The following DNAJB6 variants were observed in gnomAD, a reference collection of about 807,000 sequenced individuals.
DNAJB6 encodes the protein DnaJ heat shock protein family (Hsp40) member B6, also known as dnaJ homolog subfamily B member 6.
In DNAJB6, 16 loss-of-function variants were observed where a neutral mutation model predicts 42.7. The observed-to-expected ratio is 0.37, with a 90% confidence interval of 0.25 to 0.57. The LOEUF (loss-of-function observed/expected upper bound fraction) is 0.57. DNAJB6 is among the 20% of genes least tolerant of loss of function. The probability of loss-of-function intolerance (pLI) is 0.74; values close to 1 mark genes in which losing one functional copy is unlikely to be tolerated. For synonymous variants in DNAJB6, 170 were observed against 163.5 expected (o/e 1.04, Z -0.30); for missense variants, 347 against 416.8 (o/e 0.83, Z 1.46).
intron 8 of DNAJB6, among the ~76,000 whole-genome samples, chr7:157,388,358 G>GT (rs935214146): frequency 1.7e-4 from 26 of 152,302 alleles, no homozygotes; most frequent in Admixed American, 8.5e-4. Flanking sequence ...CATCACTCAA[G>GT]TAAGTGATGG....
At chr7:157,358,110 A>G (rs1799399740) in intron 1 of DNAJB6, among the ~76,000 whole-genome samples, 1 of 152,290 alleles carries the variant, frequency 6.6e-6, no homozygotes, top group East Asian at 1.9e-4. Flanking sequence ...AGTTCAGGGC[A>G]GGGACAACGT....
chr7:157,355,785 T>A (rs1799242205), intron 1 of DNAJB6, among the ~76,000 whole-genome samples: 1 of 152,184 alleles, frequency 6.6e-6, no homozygotes, highest in Non-Finnish European at 1.5e-5. Context: ...GTAAGGAAAC[T>A]AGCCATTTGA....
At chr7:157,374,270 AT>A (rs894361345) in intron 5 of DNAJB6, among the ~76,000 whole-genome samples, 1 of 151,724 alleles carries the variant, frequency 6.6e-6, no homozygotes, top group South Asian at 2.1e-4. Context: ...GAAGTATCTC[AT>A]TTTTTTTGAG....
At chr7:157,410,080 C>T (rs1252147693) in intron 9 of DNAJB6, 79 bp downstream of exon 9, 3 of 1,460,588 alleles carry the variant, frequency 2.1e-6, no homozygotes, top group African/African-American at 1.4e-5. Context: ...GGACACAAAC[C>T]GCGCCTGGGC....
intron 3 of DNAJB6, among the ~76,000 whole-genome samples, chr7:157,363,555 G>A (rs1799709895): frequency 6.6e-6 from 1 of 152,152 alleles, no homozygotes; most frequent in South Asian, 2.1e-4. Flanking sequence ...CTGGGAGAGA[G>A]GAGGTTGCGG....
intron 8 of DNAJB6, among the ~76,000 whole-genome samples, chr7:157,403,562 G>C (rs757046611): frequency 1.5e-4 from 23 of 152,160 alleles, no homozygotes; most frequent in Non-Finnish European, 2.5e-4. Context: ...TGCCTCCTGA[G>C]CTCACGTAAA....
At chr7:157,351,356 C>T (rs1425298866) in intron 1 of DNAJB6, among the ~76,000 whole-genome samples, 2 of 152,052 alleles carry the variant, frequency 1.3e-5, no homozygotes, top group Non-Finnish European at 2.9e-5. Flanking sequence ...GGGCCGGGCA[C>T]GGTGGCTCAT....
chr7:157,387,210 G>T (rs1801109682), intron 8 of DNAJB6, among the ~76,000 whole-genome samples: 1 of 152,122 alleles, frequency 6.6e-6, no homozygotes, highest in Admixed American at 6.5e-5. Context: ...TTTCATAGGA[G>T]CTCAAAAAAG....
chr7:157,403,568 G>A (rs147485190), intron 8 of DNAJB6, among the ~76,000 whole-genome samples: 61 of 152,274 alleles, frequency 4.0e-4, no homozygotes, highest in African/African-American at 1.3e-3. Flanking sequence ...CTGAGCTCAC[G>A]TAAAGCGATC....
intron 5 of DNAJB6, among the ~76,000 whole-genome samples, chr7:157,367,864 A>G (rs1453345158): frequency 6.6e-6 from 1 of 152,160 alleles, no homozygotes; most frequent in African/African-American, 2.4e-5. Flanking sequence ...CTGTCTCAAA[A>G]AAAAAAAAGT....
chr7:157,367,157 C>A (rs572793633), intron 4 of DNAJB6, among the ~76,000 whole-genome samples: 3 of 152,274 alleles, frequency 2.0e-5, no homozygotes, highest in Non-Finnish European at 2.9e-5. Flanking sequence ...AAAGTAGTGT[C>A]GAAGGGGCCA....
chr7:157,357,625 T>G (rs1799378561), intron 1 of DNAJB6, among the ~76,000 whole-genome samples: 1 of 151,938 alleles, frequency 6.6e-6, no homozygotes. Flanking sequence ...GATTCTTGAT[T>G]GTTGTTTTAA....
chr7:157,341,108 C>T (rs117720884), intron 1 of DNAJB6, among the ~76,000 whole-genome samples: 3,234 of 152,054 alleles, frequency 0.021, 46 homozygotes, highest in East Asian at 0.056. Flanking sequence ...AAGTGTGAGC[C>T]AGGTGCCTGG....
chr7:157,360,381 G>A (rs776229405), intron 2 of DNAJB6, among the ~76,000 whole-genome samples: 2 of 152,204 alleles, frequency 1.3e-5, no homozygotes, highest in Admixed American at 6.5e-5. Context: ...ACACCTGGGA[G>A]TTCTGGGAGT....
At chr7:157,343,433 G>A (rs1798521439) in intron 1 of DNAJB6, among the ~76,000 whole-genome samples, 1 of 152,090 alleles carries the variant, frequency 6.6e-6, no homozygotes, top group Non-Finnish European at 1.5e-5. Flanking sequence ...GGGATTACAG[G>A]CGTGAGCCAC....
intron 1 of DNAJB6, among the ~76,000 whole-genome samples, chr7:157,349,978 A>G (rs1202781049): frequency 6.6e-6 from 1 of 152,120 alleles, no homozygotes. Context: ...TAGTAGATTC[A>G]GAGTCTCCCT....
At chr7:157,368,290 T>G (rs76617047) in intron 5 of DNAJB6, among the ~76,000 whole-genome samples, 1,872 of 152,310 alleles carry the variant, frequency 0.012, 36 homozygotes, top group African/African-American at 0.043. Flanking sequence ...AGGGCATGGG[T>G]GCGAGTGTCT....
chr7:157,338,061 A>G (rs1053220699), intron 1 of DNAJB6, among the ~76,000 whole-genome samples: 6 of 152,206 alleles, frequency 3.9e-5, no homozygotes, highest in African/African-American at 1.4e-4. Context: ...GTAGTTTTCA[A>G]CGTTTTTATT....
At chr7:157,375,926 T>C (rs1045043678) in intron 5 of DNAJB6, among the ~76,000 whole-genome samples, 2 of 152,204 alleles carry the variant, frequency 1.3e-5, no homozygotes, top group Middle Eastern at 3.2e-3. Context: ...TTTTTCAGTT[T>C]TGTTTTGCTG....
Sources: allele counts gnomAD v4.1 joint callset (sites outside exome capture counted in the v4.1 genomes callset), GRCh38; gene constraint gnomAD v4.1.1; transcripts MANE v1.5; gene names NCBI Gene and HGNC (gene_info 2026-07-23, HGNC 2026-07-21).